Variants in AMPD3 observed in about 807,000 individuals in gnomAD.
AMPD3 encodes AMP deaminase 3.
A neutral mutation model predicts 82.3 loss-of-function variants in AMPD3; 57 were observed. That is an observed-to-expected ratio of 0.69 (90% CI 0.56 to 0.86). AMPD3 has a LOEUF of 0.86. Among genes scored for constraint, AMPD3 ranks in the 40% least tolerant of loss-of-function variants. The pLI is 0.00. For missense variants in AMPD3, 870 were observed against 1,003.8 expected, an observed-to-expected ratio of 0.87 and a Z score of 1.80; for synonymous variants, 381 against 394.7, an observed-to-expected ratio of 0.97 and a Z score of 0.41.
At chr11:10,494,675 C>T (rs571234250) in intron 7 of AMPD3, 1 of 985,364 alleles carries the variant, frequency 1.0e-6, no homozygotes, top group Admixed American at 6.1e-5. Flanking sequence ...CAGGTGGGGC[C>T]TCTGCTGTTC....
chr11:10,483,866 G>A (rs1441340737), intron 4 of AMPD3, among the ~76,000 whole-genome samples: 1 of 152,216 alleles, frequency 6.6e-6, no homozygotes, highest in East Asian at 1.9e-4. Context: ...GTTTGCTCCT[G>A]CCTATGCTGG....
At chr11:10,502,377 C>G (rs1388975114) in intron 12 of AMPD3, 18 of 985,364 alleles carry the variant, frequency 1.8e-5, no homozygotes, top group Non-Finnish European at 2.0e-5. Flanking sequence ...ATCTTCTAGA[C>G]TGGGTCCGTG....
chr11:10,484,316 C>T lies in AMPD3; in HGVS notation c.590-504C>T. 5.1e-6 allele frequency: 5 copies of T among 985,364 alleles called. No individual in the cohort carries two copies. The South Asian group carries it at 2.3e-4, about 46-fold the overall frequency. The allele number at this position is 985,364 out of a possible 1,614,324, so 61.0% of individuals were successfully genotyped here. A position where few individuals can be genotyped will look rare whatever the true frequency, so the allele number is the denominator to read the frequency against. On this transcript the variant is annotated intron_variant, in intron 4 of 14. Coordinates refer to ENST00000396553, the MANE Select transcript of AMPD3 (RefSeq NM_001025389.2). The stretch of plus-strand genomic sequence containing the variant: ...GAGACAAGTTCCCTATCCTTTGCTC[C>T]TTTGGGGAGGGAGTGGCTTCTTTAT...
At chr11:10,490,386 A>C (rs574099990) in intron 6 of AMPD3, 1 of 703,568 alleles carries the variant, frequency 1.4e-6, no homozygotes, top group African/African-American at 1.9e-5. Context: ...CTGACCAATT[A>C]GGGGCCACCC....
At chr11:10,481,637 AAGGGAGCG>A (rs1379080717) in intron 3 of AMPD3, 1 of 437,474 alleles carries the variant, frequency 2.3e-6, no homozygotes, top group Non-Finnish European at 3.0e-6. Context: ...CAAATCAGCA[AAGGGAGCG>A]ATACATGGAG....
At chr11:10,502,518 A>G in intron 12 of AMPD3, 1 of 985,414 alleles carries the variant, frequency 1.0e-6, no homozygotes, top group South Asian at 4.7e-5. Context: ...CTGGCATGCA[A>G]TGTAGGAATG....
At chr11:10,461,872 A>G in intron 2 of AMPD3, 132 bp downstream of exon 2, 1 of 849,132 alleles carries the variant, frequency 1.2e-6, no homozygotes, top group South Asian at 1.4e-5. Context: ...TCCTTAACCA[A>G]GACCACTTAA....
chr11:10,506,477 C>G lies in AMPD3; in HGVS notation c.*593C>G, dbSNP rs1849717828. 1 of 163,452 alleles carries G rather than the reference C, an allele frequency of 6.1e-6. No individual in the cohort carries two copies. Among genetic ancestry groups the G allele is most frequent in the Admixed American group, 5.9e-5 (1 of 17,062 alleles). The allele number at this position is 163,452 out of a possible 1,614,324, so 10.1% of individuals were successfully genotyped here. ...AAATGTACTCATGAAAACAGCCACTCCTATTCTGAGTCTTGGTTTCTTCAC... is the reference window on the plus strand; with the variant it reads ...AAATGTACTCATGAAAACAGCCACTGCTATTCTGAGTCTTGGTTTCTTCAC... On this transcript the variant is annotated 3_prime_UTR_variant, in exon 15 of 15. Transcript: ENST00000396553. This position sits in a 1 kb window ranked among gnomAD's most constrained non-coding sequence, Gnocchi z 4.1.
chr11:10,475,255 A>G (rs1275875579), intron 2 of AMPD3, among the ~76,000 whole-genome samples: 1 of 152,102 alleles, frequency 6.6e-6, no homozygotes, highest in Admixed American at 6.5e-5. Flanking sequence ...CCAGATCTCC[A>G]TGAAAACTCT....
At chr11:10,499,573 A>T in intron 10 of AMPD3, 1 of 826,316 alleles carries the variant, frequency 1.2e-6, no homozygotes. Context: ...GCTCAATTGT[A>T]AAATGGGGCT....
Position 10,501,483 on chromosome 11 carries a change from A to C in AMPD3, c.1735A>C (p.Ser579Arg). Reference protein sequence around the residue: ...LNNLRRERGLSTFLFRPHCGE... With the variant: ...LNNLRRERGLRTFLFRPHCGE... ...CTTCTCTTACAGGGAGCGCGGCCTG[A>C]GCACGTTCCTGTTCCGGCCGCACTG... Residue 579 changes from serine to arginine, a missense_variant, in exon 12 of 15, where the codon AGC becomes CGC. By Grantham distance (110) the Ser-to-Arg change is moderately radical. Coordinates refer to ENST00000396553, the MANE Select transcript of AMPD3 (RefSeq NM_001025389.2). 6.2e-7 allele frequency: 1 copy of C among 1,614,080 alleles called. No individual in the cohort carries two copies. Among genetic ancestry groups the C allele is most frequent in the Non-Finnish European group, 8.5e-7 (1 of 1,180,002 alleles).
At chr11:10,484,372 A>C in intron 4 of AMPD3, 1 of 985,372 alleles carries the variant, frequency 1.0e-6, no homozygotes, top group Non-Finnish European at 1.2e-6. Context: ...GGCTCGGGAC[A>C]GTTATTCCCA....
In AMPD3 at chr11:10,506,151, C is replaced by G; in HGVS notation, c.*267C>G. ...CTTGTTCCTAATTTTCCAAGTATTT[C>G]TCTTGAAACTGCCAGTGCCTGAACT... On this transcript the variant is annotated 3_prime_UTR_variant, in exon 15 of 15. Coordinates refer to ENST00000396553, the MANE Select transcript of AMPD3 (RefSeq NM_001025389.2). This position sits in a 1 kb window ranked among gnomAD's most constrained non-coding sequence, Gnocchi z 4.1. 4.2e-6 allele frequency: 2 copies of G among 477,200 alleles called. No homozygotes were observed. Among genetic ancestry groups the G allele is most frequent in the Non-Finnish European group, 7.7e-6 (2 of 260,458 alleles). The allele number at this position is 477,200 out of a possible 1,614,324, so 29.6% of individuals were successfully genotyped here. A position where few individuals can be genotyped will look rare whatever the true frequency, so the allele number is the denominator to read the frequency against.
chr11:10,486,602 C>T (rs1436633027), intron 5 of AMPD3: 47 of 985,234 alleles, frequency 4.8e-5, no homozygotes, highest in African/African-American at 5.2e-5. Flanking sequence ...AGTCCCAATC[C>T]ACCCATGATG....
rs563179247 is a variant in AMPD3, at chr11:10,484,701, G to A, written c.590-119G>A. 1.3e-5 allele frequency: 17 copies of A among 1,309,620 alleles called. 1 individual carries two copies. The highest frequency in any genetic ancestry group is 4.9e-5 in the South Asian group (4 of 81,336). 81.1% of individuals were successfully genotyped at this position (1,309,620 alleles called of 1,614,324 possible). A position where few individuals can be genotyped will look rare whatever the true frequency, so the allele number is the denominator to read the frequency against. The stretch of plus-strand genomic sequence containing the variant: ...AAGCAGGGAAGAGCATATGAGATGC[G>A]GGGCCGGCGCAGGGTTGGATTTTGG... On this transcript the variant is annotated intron_variant, in intron 4 of 14. Transcript: ENST00000396553.
intron 3 of AMPD3, among the ~76,000 whole-genome samples, chr11:10,480,624 G>T (rs1454695074): frequency 6.6e-6 from 1 of 150,586 alleles, no homozygotes; most frequent in East Asian, 1.9e-4. Flanking sequence ...GTAGGGAGGA[G>T]AGTAGAGTTT....
At chr11:10,494,852 T>C (rs747290886) in intron 7 of AMPD3, 47 bp from the exon 8 acceptor site, 1 of 1,594,314 alleles carries the variant, frequency 6.3e-7, no homozygotes, top group African/African-American at 1.3e-5. Context: ...GGAACGTGCA[T>C]GGTGGCTGCA....
intron 3 of AMPD3, 75 bp from the exon 4 acceptor site, chr11:10,481,988 G>A: frequency 6.3e-7 from 1 of 1,596,364 alleles, no homozygotes; most frequent in Non-Finnish European, 8.6e-7. Context: ...GGCCAATCTT[G>A]CAAGCACATC....
chr11:10,476,477 G>T lies in AMPD3; in HGVS notation c.222-2049G>T, dbSNP rs79241417. On this transcript the variant is annotated intron_variant, in intron 2 of 14. Transcript: ENST00000396553. ...TTTGGGCTGTAGTGTTTTTTTTTTT[G>T]TGTGTGTGTGTGTGGTTTTTTTTTA... Among the ~76,000 whole-genome samples, 405 of 105,830 alleles carry T rather than the reference G, an allele frequency of 3.8e-3. 2 individuals carry two copies. Among genetic ancestry groups the T allele is most frequent in the Middle Eastern group, 0.017 (3 of 176 alleles). The allele number at this position is 105,830 out of a possible 152,430, so 69.4% of individuals were successfully genotyped here.
Sources: allele counts gnomAD v4.1 joint callset (sites outside exome capture counted in the v4.1 genomes callset), GRCh38; gene constraint gnomAD v4.1.1; non-coding constraint Gnocchi (gnomAD v3.1); transcripts MANE v1.5; gene names NCBI Gene and HGNC (gene_info 2026-07-23, HGNC 2026-07-21).